Variants in EFCAB14 observed in about 807,000 individuals in gnomAD.
The protein encoded by EFCAB14 is EF-hand calcium binding domain 14.
In EFCAB14, 43 loss-of-function variants were observed where a neutral mutation model predicts 56.5. That is an observed-to-expected ratio of 0.76 (90% CI 0.60 to 0.98). EFCAB14 has a LOEUF of 0.98. EFCAB14 is among the 50% of genes least tolerant of loss of function. The probability of loss-of-function intolerance (pLI) is 0.00; values close to 1 mark genes in which losing one functional copy is unlikely to be tolerated. For missense variants in EFCAB14, 538 were observed against 580.3 expected (o/e 0.93, Z 0.75); for synonymous variants, 235 against 212.9 (o/e 1.10, Z -0.90).
At chr1:46,715,337 C>T (rs140791614) in intron 2 of EFCAB14, among the ~76,000 whole-genome samples, 6 of 152,278 alleles carry the variant, frequency 3.9e-5, no homozygotes, top group Admixed American at 6.5e-5. Context: ...GGCAAGAGGA[C>T]GCTCAGCTCT....
At chr1:46,693,847 T>C (rs1369910492) in intron 4 of EFCAB14, among the ~76,000 whole-genome samples, 2 of 152,168 alleles carry the variant, frequency 1.3e-5, no homozygotes, top group Non-Finnish European at 2.9e-5. Context: ...AATTCAAGAA[T>C]AAACCAGTTT....
intron 10 of EFCAB14, among the ~76,000 whole-genome samples, chr1:46,679,276 A>T (rs1676748765): frequency 6.6e-6 from 1 of 152,208 alleles, no homozygotes; most frequent in African/African-American, 2.4e-5. Flanking sequence ...ACGGTCATGT[A>T]ACTCTTAAGT....
intron 3 of EFCAB14, among the ~76,000 whole-genome samples, chr1:46,700,986 A>AGAGTGT (rs1553123125): frequency 1.4e-5 from 2 of 142,940 alleles, no homozygotes; most frequent in African/African-American, 2.6e-5. Flanking sequence ...AGAGTGAGTG[A>AGAGTGT]GTGTGTGTGT....
intron 4 of EFCAB14, among the ~76,000 whole-genome samples, chr1:46,693,713 C>T (rs1314460537): frequency 6.6e-6 from 1 of 151,858 alleles, no homozygotes; most frequent in African/African-American, 2.4e-5. Context: ...CTTTTTTCCC[C>T]TAAGGAAGCA....
chr1:46,711,492 T>G (rs1278061109), intron 2 of EFCAB14, among the ~76,000 whole-genome samples: 1 of 152,166 alleles, frequency 6.6e-6, no homozygotes, highest in Non-Finnish European at 1.5e-5. Context: ...TTCTGGATCC[T>G]GAGGACTCTA....
At chr1:46,710,701 G>A (rs1307264786) in intron 2 of EFCAB14, among the ~76,000 whole-genome samples, 1 of 152,064 alleles carries the variant, frequency 6.6e-6, no homozygotes, top group African/African-American at 2.4e-5. Flanking sequence ...CTACAAGCTT[G>A]TGCCACCACG....
intron 5 of EFCAB14, among the ~76,000 whole-genome samples, chr1:46,690,062 G>A (rs1676966564): frequency 6.6e-6 from 1 of 152,218 alleles, no homozygotes; most frequent in African/African-American, 2.4e-5. Context: ...ACCTGGGACA[G>A]TGTCATTGTT....
At chr1:46,702,243 G>A (rs1677169235) in intron 3 of EFCAB14, among the ~76,000 whole-genome samples, 1 of 152,206 alleles carries the variant, frequency 6.6e-6, no homozygotes, top group South Asian at 2.1e-4. Flanking sequence ...AGTTGGAAAT[G>A]CTGCTTTTTT....
chr1:46,716,435 T>G lies in EFCAB14; in HGVS notation c.194A>C (p.Tyr65Ser), dbSNP rs766464320. ...ATAACAGATCTTGCAGCATCGTAAATAGTCTCCCCTGCTCAAGAGGACAAA... is the reference window on the plus strand; with the variant it reads ...ATAACAGATCTTGCAGCATCGTAAAGAGTCTCCCCTGCTCAAGAGGACAAA... Reference protein sequence around the residue: ...GNRSRFAKGDYLRCCKICYPL... With the variant: ...GNRSRFAKGDSLRCCKICYPL... Residue 65 changes from tyrosine to serine, a missense_variant, in exon 2 of 11, where the codon TAT becomes TCT. Transcript: ENST00000371933. The G allele has an allele frequency of 6.2e-7, 1 of 1,613,958 alleles. No homozygotes were observed. The highest frequency in any genetic ancestry group is 8.5e-7 in the Non-Finnish European group (1 of 1,179,976).
At chr1:46,680,452 T>C (rs1028954626) in intron 10 of EFCAB14, among the ~76,000 whole-genome samples, 19 of 152,290 alleles carry the variant, frequency 1.2e-4, no homozygotes, top group African/African-American at 4.3e-4. Context: ...GAAAGAATCA[T>C]ATTGAAAGAA....
chr1:46,683,262 G>T (rs1347733669), intron 10 of EFCAB14, 38 bp downstream of exon 10: 2 of 1,594,210 alleles, frequency 1.3e-6, no homozygotes, highest in South Asian at 1.2e-5. Flanking sequence ...TTATTACTTT[G>T]AACATTCCCA....
chr1:46,692,884 A>C lies in EFCAB14; in HGVS notation c.580-947T>G, dbSNP rs190763857. Among the ~76,000 whole-genome samples the C allele has an allele frequency of 1.0e-3, 158 of 152,320 alleles. 1 individual carries two copies. The highest frequency in any genetic ancestry group is 3.8e-3 in the African/African-American group (157 of 41,576). ...CTAGAGGAAAACCAAATCTTCCCTA[A>C]AGAAAAAATATTAGTTTATAAATCT... On this transcript the variant is annotated intron_variant, in intron 4 of 10. Transcript: ENST00000371933.
chr1:46,688,308 C>A, intron 7 of EFCAB14, 45 bp downstream of exon 7: 1 of 1,572,758 alleles, frequency 6.4e-7, no homozygotes, highest in South Asian at 1.2e-5. Context: ...TATCCATGCA[C>A]AGACAAAACA....
chr1:46,677,092 C>G lies in EFCAB14; in HGVS notation c.*1369G>C, dbSNP rs1676707482. ...CCAAAGACTGCTTCTAAGAACAACACAGCAATTCTAGACTCAACATACAGG... is the reference window on the plus strand; with the variant it reads ...CCAAAGACTGCTTCTAAGAACAACAGAGCAATTCTAGACTCAACATACAGG... On this transcript the variant is annotated 3_prime_UTR_variant, in exon 11 of 11. Transcript: ENST00000371933. 6.6e-6 allele frequency: 1 copy of G among 152,592 alleles called. No homozygotes were observed. Among genetic ancestry groups the G allele is most frequent in the Non-Finnish European group, 1.5e-5 (1 of 68,042 alleles). The allele number at this position is 152,592 out of a possible 1,614,324, so 9.5% of individuals were successfully genotyped here. A position where few individuals can be genotyped will look rare whatever the true frequency, so the allele number is the denominator to read the frequency against.
rs1379687731 is a variant in EFCAB14, at chr1:46,718,075, T to C, written c.13A>G (p.Lys5Glu). The change falls in exon 1 of 11, where the codon AAA becomes GAA. Residue 5 changes from lysine to glutamate, a missense_variant. Lys to Glu is a moderately conservative substitution (Grantham distance 56, BLOSUM62 1). Transcript: ENST00000371933. ...AAACCAATCAATGCATTGAGCTCTT[T>C]GCGCTTTTTCATCTTTTTGTGTGGG... MKKRKELNALIGLAG... is the reference protein window; with the variant it reads MKKREELNALIGLAG... 1.2e-6 allele frequency: 2 copies of C among 1,613,876 alleles called. No individual in the cohort carries two copies. The highest frequency in any genetic ancestry group is 1.3e-5 in the African/African-American group (1 of 74,902).
intron 3 of EFCAB14, among the ~76,000 whole-genome samples, chr1:46,701,333 T>C (rs1046513374): frequency 3.3e-5 from 5 of 152,174 alleles, no homozygotes; most frequent in Non-Finnish European, 7.4e-5. Context: ...CCAAAGTATG[T>C]ACACAGTTGG....
rs982863377 is a variant in EFCAB14, at chr1:46,719,086, G to C, written c.-999C>G. ...GGCGGCGGCCGCGAGCTCCAGCCCCGGGCCATCGCTCCAGCCCCAGATCAC... is the reference window on the plus strand; with the variant it reads ...GGCGGCGGCCGCGAGCTCCAGCCCCCGGCCATCGCTCCAGCCCCAGATCAC... On this transcript the variant is annotated 5_prime_UTR_variant, in exon 1 of 11. Coordinates refer to ENST00000371933, the MANE Select transcript of EFCAB14 (RefSeq NM_014774.3). The surrounding 1 kb of genome is among the most constrained non-coding windows in gnomAD (Gnocchi z 4.0). 5 of 157,310 alleles carry C rather than the reference G, an allele frequency of 3.2e-5. No individual in the cohort carries two copies. The highest frequency in any genetic ancestry group is 4.8e-5 in the African/African-American group (2 of 41,516). 9.7% of individuals were successfully genotyped at this position (157,310 alleles called of 1,614,324 possible).
chr1:46,698,452 G>C (rs1376462369), intron 3 of EFCAB14, among the ~76,000 whole-genome samples: 1 of 152,042 alleles, frequency 6.6e-6, no homozygotes, highest in African/African-American at 2.4e-5. Flanking sequence ...TCAGATAGTG[G>C]GAAGCACTAG....
chr1:46,718,106 T>TG lies in EFCAB14; in HGVS notation c.-20dup, dbSNP rs1189989950. The TG allele has an allele frequency of 6.2e-7, 1 of 1,610,522 alleles. No individual in the cohort carries two copies. Among genetic ancestry groups the TG allele is most frequent in the Non-Finnish European group, 8.5e-7 (1 of 1,177,742 alleles). Reference sequence around the variant, plus strand: ...TTTTCATCTTTTTGTGTGGGGTGAGTGGAGCCCCGACTCCTGAGCTGCCAG... The same window carrying TG: ...TTTTCATCTTTTTGTGTGGGGTGAGTGGGAGCCCCGACTCCTGAGCTGCCAG... On this transcript the variant is annotated 5_prime_UTR_variant, in exon 1 of 11. Transcript: ENST00000371933.
Sources: allele counts gnomAD v4.1 joint callset (sites outside exome capture counted in the v4.1 genomes callset), GRCh38; gene constraint gnomAD v4.1.1; non-coding constraint Gnocchi (gnomAD v3.1); transcripts MANE v1.5; gene names NCBI Gene and HGNC (gene_info 2026-07-23, HGNC 2026-07-21).